Variants in AKAP7 observed in about 807,000 individuals in gnomAD.
The protein encoded by AKAP7 is A-kinase anchoring protein 7, also known as A kinase (PRKA) anchor protein 7.
A neutral mutation model predicts 39.5 loss-of-function variants in AKAP7; 39 were observed. The ratio of observed to expected loss-of-function variants is 0.99; its 90% CI spans 0.76 to 1.29. The LOEUF (loss-of-function observed/expected upper bound fraction) is 1.29. AKAP7 is among the 50% of genes most tolerant of loss of function. AKAP7 has a pLI of 0.00. For synonymous variants in AKAP7, 140 were observed against 139.1 expected (o/e 1.01, Z -0.05); for missense variants, 414 against 407.7 (o/e 1.02, Z -0.13).
At chr6:131,218,649 G>A (rs1023722158) in intron 6 of AKAP7, among the ~76,000 whole-genome samples, 1 of 152,172 alleles carries the variant, frequency 6.6e-6, no homozygotes, top group East Asian at 1.9e-4. Context: ...CCATTGTATA[G>A]TATAGCAGAG....
At chr6:131,247,889 C>T (rs1812166948) in intron 7 of AKAP7, among the ~76,000 whole-genome samples, 1 of 152,112 alleles carries the variant, frequency 6.6e-6, no homozygotes, top group East Asian at 1.9e-4. Context: ...CTTGGCCCCC[C>T]AAAGTGCTGG....
intron 5 of AKAP7, chr6:131,185,074 C>A: frequency 1.4e-6 from 1 of 697,582 alleles, no homozygotes; most frequent in Non-Finnish European, 2.7e-6. Flanking sequence ...AGGCTGTCAT[C>A]ATCAACTCGG....
At chr6:131,148,130 A>G (rs1399130060) in intron 2 of AKAP7, among the ~76,000 whole-genome samples, 1 of 152,208 alleles carries the variant, frequency 6.6e-6, no homozygotes, top group Non-Finnish European at 1.5e-5. Flanking sequence ...CTTCATATGA[A>G]CAGGATCTTT....
chr6:131,268,239 T>A (rs746494651), intron 7 of AKAP7, among the ~76,000 whole-genome samples: 15 of 152,176 alleles, frequency 9.9e-5, no homozygotes, highest in Middle Eastern at 3.2e-3. Flanking sequence ...GTGAAGTATA[T>A]CTGCCTGGGG....
chr6:131,235,458 G>T (rs1810971041), intron 7 of AKAP7, among the ~76,000 whole-genome samples: 1 of 152,144 alleles, frequency 6.6e-6, no homozygotes, highest in African/African-American at 2.4e-5. Flanking sequence ...GGTATTTCTA[G>T]TTCTAGATCC....
At chr6:131,154,458 C>A (rs1802232413) in intron 2 of AKAP7, among the ~76,000 whole-genome samples, 1 of 144,630 alleles carries the variant, frequency 6.9e-6, no homozygotes, top group Non-Finnish European at 1.5e-5. Flanking sequence ...AAACGTTCCT[C>A]CCTGTCCCTG....
chr6:131,175,822 T>A (rs1329683957), intron 5 of AKAP7, among the ~76,000 whole-genome samples: 1 of 152,192 alleles, frequency 6.6e-6, no homozygotes. Context: ...CAGTAGGCCT[T>A]GCTAAGTTTC....
At chr6:131,250,068 A>G (rs567657755) in intron 7 of AKAP7, 1 of 708,500 alleles carries the variant, frequency 1.4e-6, no homozygotes, top group Admixed American at 6.1e-5. Flanking sequence ...CTATTCATAA[A>G]CCACAATCTC....
At chr6:131,203,927 G>A (rs2128285021) in intron 6 of AKAP7, among the ~76,000 whole-genome samples, 1 of 152,190 alleles carries the variant, frequency 6.6e-6, no homozygotes, top group East Asian at 1.9e-4. Context: ...TCTTTGAAGT[G>A]GAATTCTAAG....
At chr6:131,240,191 G>A (rs1171294602) in intron 7 of AKAP7, among the ~76,000 whole-genome samples, 1 of 152,224 alleles carries the variant, frequency 6.6e-6, no homozygotes, top group African/African-American at 2.4e-5. Flanking sequence ...CTGTTTGCCT[G>A]GGTATCAGCA....
intron 5 of AKAP7, among the ~76,000 whole-genome samples, chr6:131,172,907 T>A (rs1804210868): frequency 6.6e-6 from 1 of 152,058 alleles, no homozygotes; most frequent in African/African-American, 2.4e-5. Flanking sequence ...TTAGAAAAAA[T>A]TCTTTTTGGC....
Position 131,282,656 on chromosome 6 carries a change from T to G in AKAP7, c.*930T>G. On this transcript the variant is annotated 3_prime_UTR_variant, in exon 8 of 8. Coordinates refer to ENST00000431975, the MANE Select transcript of AKAP7 (RefSeq NM_016377.4). ...AGCTTATGAAATCTTTTCAGCTTAT[T>G]AAGTAGCTCTTTGGTAAACACCAAA... 1 of 1,433,476 alleles carries G rather than the reference T, an allele frequency of 7.0e-7. No homozygotes were observed. The highest frequency in any genetic ancestry group is 9.4e-7 in the Non-Finnish European group (1 of 1,063,110). The allele number at this position is 1,433,476 out of a possible 1,614,324, so 88.8% of individuals were successfully genotyped here.
At chr6:131,239,922 C>T (rs1281577067) in intron 7 of AKAP7, among the ~76,000 whole-genome samples, 1 of 152,264 alleles carries the variant, frequency 6.6e-6, no homozygotes, top group Non-Finnish European at 1.5e-5. Context: ...AAGTCATTCT[C>T]TGTCCAGCTT....
At chr6:131,248,879 G>T (rs1459756416) in intron 7 of AKAP7, among the ~76,000 whole-genome samples, 4 of 152,138 alleles carry the variant, frequency 2.6e-5, no homozygotes, top group African/African-American at 9.7e-5. Context: ...GAATTTGGGG[G>T]AATACTGGAA....
At chr6:131,125,687 C>A in the AKAP7 span, among the ~76,000 whole-genome samples, 8 of 152,066 alleles carry the variant, frequency 5.3e-5, no homozygotes, top group African/African-American at 9.7e-5. Flanking sequence ...TATATGGAAC[C>A]CTTTGTTCAA....
At chr6:131,134,457 TATGA>T (rs1480495704), upstream of AKAP7, among the ~76,000 whole-genome samples, 1 of 152,202 alleles carries the variant, frequency 6.6e-6, no homozygotes, top group Admixed American at 6.5e-5. Flanking sequence ...TCCTCTTCAC[TATGA>T]ATGTGGACCA....
Position 131,253,165 on chromosome 6 carries a change from G to A in AKAP7, c.851-28365G>A, listed in dbSNP as rs1040094621. On this transcript the variant is annotated intron_variant, in intron 7 of 7. Transcript: ENST00000431975. ...CTATTTTATCCTGCTTTTGCCGTTT[G>A]GTGGTGGTGGTAGATAGAAATAATT... is the stretch of plus-strand genomic sequence containing the variant. 10 of 1,447,782 alleles carry A rather than the reference G, an allele frequency of 6.9e-6. No homozygotes were observed. In the South Asian group the frequency reaches 1.1e-4, roughly 15 times the overall value. The allele number at this position is 1,447,782 out of a possible 1,614,324, so 89.7% of individuals were successfully genotyped here. A position where few individuals can be genotyped will look rare whatever the true frequency, so the allele number is the denominator to read the frequency against.
upstream of AKAP7, among the ~76,000 whole-genome samples, chr6:131,133,163 TC>T (rs1332968227): frequency 2.0e-5 from 3 of 152,208 alleles, no homozygotes; most frequent in Non-Finnish European, 4.4e-5. Context: ...AATCTTTCTT[TC>T]CCTTTAATTT....
chr6:131,211,768 G>A (rs1398684341), intron 6 of AKAP7, among the ~76,000 whole-genome samples: 2 of 85,632 alleles, frequency 2.3e-5, no homozygotes, highest in African/African-American at 1.2e-4. Context: ...GTGAGACTCC[G>A]TCTCAAAAAA....
Sources: allele counts gnomAD v4.1 joint callset (sites outside exome capture counted in the v4.1 genomes callset), GRCh38; gene constraint gnomAD v4.1.1; transcripts MANE v1.5; gene names NCBI Gene and HGNC (gene_info 2026-07-23, HGNC 2026-07-21).